The following UNC79 variants were observed in gnomAD, a reference collection of about 807,000 sequenced individuals.
The protein encoded by UNC79 is unc-79 subunit of NALCN channel complex.
Under a neutral mutation model 283.1 loss-of-function variants are expected in UNC79, and 37 were observed. That is an observed-to-expected ratio of 0.13 (90% confidence interval 0.10 to 0.17). The LOEUF (loss-of-function observed/expected upper bound fraction) is 0.17. Ranked by LOEUF, UNC79 falls within the 10% of genes least tolerant of loss-of-function variation. The probability of loss-of-function intolerance (pLI) is 1.00; values close to 1 mark genes in which losing one functional copy is unlikely to be tolerated. For missense variants in UNC79, 2,272 were observed against 3,211.1 expected (o/e 0.71, Z 7.07); for synonymous variants, 1,107 against 1,200.2 (o/e 0.92, Z 1.61).
intron 1 of UNC79, among the ~76,000 whole-genome samples, chr14:93,404,493 A>AAAAAAAAAAAAAAAAATATATATAT: frequency 1.6e-5 from 1 of 61,500 alleles, no homozygotes; most frequent in East Asian, 2.8e-4. Context: ...TTCTAAAAAA[A>AAAAAAAAAAAAAAAAATATATATAT]ATATATATAT....
At chr14:93,578,747 A>C (rs2063611237) in intron 18 of UNC79, among the ~76,000 whole-genome samples, 1 of 152,210 alleles carries the variant, frequency 6.6e-6, no homozygotes, top group African/African-American at 2.4e-5. Context: ...AAAATCAGGA[A>C]ATTAATAGTG....
chr14:93,705,300 G>A (rs1297213541), intron 48 of UNC79, among the ~76,000 whole-genome samples: 3 of 134,742 alleles, frequency 2.2e-5, no homozygotes, highest in Non-Finnish European at 4.6e-5. Flanking sequence ...GTCACTATTT[G>A]CAGTAACAAG....
intron 47 of UNC79, among the ~76,000 whole-genome samples, chr14:93,696,583 T>C (rs1349935498): frequency 6.6e-6 from 1 of 152,244 alleles, no homozygotes; most frequent in Non-Finnish European, 1.5e-5. Context: ...ATTAAGCATC[T>C]TTTCATGTAC....
Position 93,622,256 on chromosome 14 carries a change from T to A in UNC79, c.5023T>A (p.Ser1675Thr), listed in dbSNP as rs755067148. The change falls in exon 30 of 49, where the codon TCC becomes ACC. Residue 1675 changes from serine (S) to threonine (T), a missense_variant. Coordinates refer to ENST00000555664, the Ensembl canonical transcript of UNC79. Reference sequence around the variant, plus strand: ...TTCTCCCTCCGTCCCCAGCCATCCCTCCGTCCTCAGCCTGAGCACAGCTCC... The same window carrying A: ...TTCTCCCTCCGTCCCCAGCCATCCCACCGTCCTCAGCCTGAGCACAGCTCC... 3.7e-6 allele frequency: 6 copies of A among 1,614,120 alleles called. No individual in the cohort carries two copies. The South Asian group carries it at 6.6e-5, about 18-fold the overall frequency.
chr14:93,670,177 GTGATCAAA>G (rs2072687161), intron 40 of UNC79, among the ~76,000 whole-genome samples: 1 of 152,180 alleles, frequency 6.6e-6, no homozygotes, highest in African/African-American at 2.4e-5. Flanking sequence ...AAAGACTTCT[GTGATCAAA>G]TGTGTGGAGA....
intron 47 of UNC79, among the ~76,000 whole-genome samples, chr14:93,701,188 A>G (rs2075503718): frequency 3.9e-5 from 6 of 151,948 alleles, no homozygotes; most frequent in Admixed American, 3.9e-4. Context: ...TACCTGCAGG[A>G]CTCACCTGGT....
exon 24 of UNC79, chr14:93,597,474 T>C: frequency 1.9e-6 from 3 of 1,614,160 alleles, no homozygotes; most frequent in South Asian, 1.1e-5. Context: ...CAGTGGAGGA[T>C]GTCAACCCCG....
At chr14:93,647,007 C>A (rs1411897843) in intron 35 of UNC79, among the ~76,000 whole-genome samples, 2 of 152,210 alleles carry the variant, frequency 1.3e-5, no homozygotes, top group Non-Finnish European at 2.9e-5. Context: ...TTTAAGCCCA[C>A]CCTGTGCTAG....
At chr14:93,462,761 G>A (rs1427813569) in intron 1 of UNC79, among the ~76,000 whole-genome samples, 2 of 152,198 alleles carry the variant, frequency 1.3e-5, no homozygotes, top group Non-Finnish European at 2.9e-5. Flanking sequence ...ATGAGCTTTA[G>A]AATGCTTTGC....
chr14:93,497,519 A>G (rs1340949266), intron 7 of UNC79, among the ~76,000 whole-genome samples: 1 of 152,222 alleles, frequency 6.6e-6, no homozygotes, highest in Admixed American at 6.5e-5. Flanking sequence ...CATTTGCTGT[A>G]CCACTGGCTG....
chr14:93,383,698 A>T (rs892656028), intron 1 of UNC79, among the ~76,000 whole-genome samples: 2 of 151,976 alleles, frequency 1.3e-5, no homozygotes, highest in African/African-American at 4.8e-5. Flanking sequence ...GCAAGTACTT[A>T]AAAAAAACTT....
At chr14:93,383,769 C>T (rs1050622744) in intron 1 of UNC79, among the ~76,000 whole-genome samples, 9 of 152,052 alleles carry the variant, frequency 5.9e-5, no homozygotes, top group Admixed American at 1.3e-4. Context: ...AATTGTAACA[C>T]GCACAATTCC....
At chr14:93,372,991 C>T (rs567592982) in intron 1 of UNC79, among the ~76,000 whole-genome samples, 2 of 152,134 alleles carry the variant, frequency 1.3e-5, no homozygotes, top group African/African-American at 4.8e-5. Flanking sequence ...TGAAACGAAA[C>T]CAGAATACAA....
chr14:93,483,203 C>G (rs986152822), intron 4 of UNC79, among the ~76,000 whole-genome samples: 1 of 152,212 alleles, frequency 6.6e-6, no homozygotes, highest in Admixed American at 6.5e-5. Flanking sequence ...ATCGCTTTCT[C>G]TTTATTCCCT....
At chr14:93,622,155 G>C in exon 30 of UNC79, 1 of 1,614,108 alleles carries the variant, frequency 6.2e-7, no homozygotes, top group African/African-American at 1.3e-5. Context: ...CCCCCTCTCA[G>C]AATAGTCGAG....
chr14:93,484,635 A>T (rs545705444), intron 4 of UNC79, among the ~76,000 whole-genome samples: 6 of 152,244 alleles, frequency 3.9e-5, no homozygotes, highest in African/African-American at 1.4e-4. Context: ...AAATTTTCTT[A>T]TTTTGATTAA....
chr14:93,493,901 A>ATTTTTTT (rs71129642), intron 5 of UNC79, among the ~76,000 whole-genome samples: 37 of 49,250 alleles, frequency 7.5e-4, no homozygotes, highest in Non-Finnish European at 8.6e-4. Flanking sequence ...ATATATATAT[A>ATTTTTTT]TTTTTTTTTT....
intron 1 of UNC79, among the ~76,000 whole-genome samples, chr14:93,374,484 A>T (rs756529765): frequency 5.9e-5 from 9 of 152,054 alleles, no homozygotes; most frequent in Non-Finnish European, 1.0e-4. Flanking sequence ...TCTCTTTTGG[A>T]ATGCAAATGT....
chr14:93,342,757 T>C (rs2053740420), intron 1 of UNC79, among the ~76,000 whole-genome samples: 1 of 152,276 alleles, frequency 6.6e-6, no homozygotes. Flanking sequence ...ACATCTTGAA[T>C]GCTTTGCTGC....
Sources: allele counts gnomAD v4.1 joint callset (sites outside exome capture counted in the v4.1 genomes callset), GRCh38; gene constraint gnomAD v4.1.1; transcripts MANE v1.5; gene names NCBI Gene and HGNC (gene_info 2026-07-23, HGNC 2026-07-21).